Variants in AFF1 observed in about 807,000 individuals in gnomAD.
AFF1 encodes ALF transcription elongation factor 1.
AFF1 carries 48 observed loss-of-function variants against 121.7 expected under a neutral mutation model. That is an observed-to-expected ratio of 0.39 (90% CI 0.31 to 0.50). The LOEUF is 0.50. AFF1 is among the 20% of genes least tolerant of loss of function. AFF1 has a pLI of 0.76. For synonymous variants in AFF1, 613 were observed against 563.0 expected (o/e 1.09, Z -1.26); for missense variants, 1,523 against 1,511.7 (o/e 1.01, Z -0.12).
At chr4:86,979,806 C>T (rs957727057) in intron 2 of AFF1, among the ~76,000 whole-genome samples, 2 of 151,622 alleles carry the variant, frequency 1.3e-5, no homozygotes, top group Admixed American at 6.5e-5. Context: ...CTGGTGGGAA[C>T]GCAAAATACT....
chr4:87,067,476 G>A (rs1385945819), intron 4 of AFF1, among the ~76,000 whole-genome samples: 1 of 152,218 alleles, frequency 6.6e-6, no homozygotes, highest in African/African-American at 2.4e-5. Flanking sequence ...TGAGTGGTGA[G>A]TGATGGACTA....
chr4:87,132,995 C>T (rs1221108734), intron 19 of AFF1, among the ~76,000 whole-genome samples: 6 of 152,184 alleles, frequency 3.9e-5, no homozygotes, highest in Admixed American at 1.3e-4. Flanking sequence ...CGCACCTGGC[C>T]GAGCTTTGAG....
chr4:86,998,763 G>A (rs919046158), intron 2 of AFF1, among the ~76,000 whole-genome samples: 18 of 152,118 alleles, frequency 1.2e-4, no homozygotes, highest in African/African-American at 4.1e-4. Context: ...TTCAGTGGAG[G>A]GGGTGGTAGT....
chr4:87,005,401 C>A (rs1190013789), intron 2 of AFF1, among the ~76,000 whole-genome samples: 1 of 152,202 alleles, frequency 6.6e-6, no homozygotes, highest in Non-Finnish European at 1.5e-5. Context: ...GCGAAGCTGG[C>A]AAGATTATGT....
intron 2 of AFF1, among the ~76,000 whole-genome samples, chr4:86,950,513 C>T (rs150337909): frequency 6.6e-6 from 1 of 152,366 alleles, no homozygotes; most frequent in East Asian, 1.9e-4. Context: ...CTTCTTGCTA[C>T]TGCATTTCAC....
chr4:87,079,348 A>G (rs1217454482), intron 4 of AFF1, among the ~76,000 whole-genome samples: 2 of 152,238 alleles, frequency 1.3e-5, no homozygotes, highest in Admixed American at 1.3e-4. Flanking sequence ...TTATTTTGGT[A>G]TCAGTGCGTT....
intron 8 of AFF1, among the ~76,000 whole-genome samples, chr4:87,095,222 G>A (rs1181614278): frequency 2.0e-5 from 3 of 152,186 alleles, no homozygotes; most frequent in Non-Finnish European, 4.4e-5. Flanking sequence ...GGGCTCAAGC[G>A]ATTCTCATGC....
At chr4:86,964,122 C>A (rs1722358372) in intron 2 of AFF1, among the ~76,000 whole-genome samples, 1 of 138,496 alleles carries the variant, frequency 7.2e-6, no homozygotes, top group Admixed American at 7.3e-5. Context: ...CTGGGTTGTT[C>A]TTTTGGTTTT....
chr4:87,113,677 T>C (rs946422940), intron 11 of AFF1, among the ~76,000 whole-genome samples: 1 of 152,210 alleles, frequency 6.6e-6, no homozygotes, highest in African/African-American at 2.4e-5. Flanking sequence ...ATATGTGATA[T>C]GATAACTTTG....
At chr4:87,089,016 T>A (rs1317946709) in intron 5 of AFF1, among the ~76,000 whole-genome samples, 1 of 152,194 alleles carries the variant, frequency 6.6e-6, no homozygotes, top group African/African-American at 2.4e-5. Context: ...AAGCTGGGAT[T>A]ACAGGTGTGA....
chr4:87,090,157 CTTG>C, intron 6 of AFF1, 87 bp downstream of exon 6: 1 of 1,102,488 alleles, frequency 9.1e-7, no homozygotes, highest in Non-Finnish European at 1.3e-6. Flanking sequence ...TAAAGTATTA[CTTG>C]TTCAAATCTT....
intron 2 of AFF1, among the ~76,000 whole-genome samples, chr4:86,990,015 A>AG (rs1376943937): frequency 3.3e-5 from 5 of 152,064 alleles, no homozygotes. Flanking sequence ...ATCACACACC[A>AG]GGGCCTGTCA....
rs1437017134 is a variant in AFF1, at chr4:87,137,077, A to G, written c.*1376A>G. On this transcript the variant is annotated 3_prime_UTR_variant, in exon 21 of 21. Transcript: ENST00000395146. ...AAATCCCATGTGCCCATAAGCACAG[A>G]TTTTTCTTTTTCATTGAAACTTTAA... 8.9e-6 allele frequency: 2 copies of G among 224,710 alleles called. No individual in the cohort carries two copies. Among genetic ancestry groups the G allele is most frequent in the Non-Finnish European group, 1.8e-5 (2 of 112,604 alleles). The allele number at this position is 224,710 out of a possible 1,614,324, so 13.9% of individuals were successfully genotyped here.
At chr4:87,088,703 C>T (rs1272329633) in intron 5 of AFF1, among the ~76,000 whole-genome samples, 2 of 152,072 alleles carry the variant, frequency 1.3e-5, no homozygotes, top group East Asian at 3.9e-4. Context: ...CTGCCAGGTT[C>T]AAGCCATTCT....
chr4:87,055,018 C>T (rs958594548), intron 4 of AFF1, among the ~76,000 whole-genome samples: 1 of 152,174 alleles, frequency 6.6e-6, no homozygotes, highest in Non-Finnish European at 1.5e-5. Flanking sequence ...CTCTCTCTCA[C>T]CCGGGCTGGA....
intron 2 of AFF1, among the ~76,000 whole-genome samples, chr4:86,965,723 C>G: frequency 6.6e-6 from 1 of 152,102 alleles, no homozygotes. Context: ...TGATTGCAGC[C>G]CATGGGTATT....
chr4:87,063,975 G>T (rs1721075968), intron 4 of AFF1, among the ~76,000 whole-genome samples: 1 of 152,234 alleles, frequency 6.6e-6, no homozygotes, highest in Admixed American at 6.5e-5. Context: ...ATGAAACTCT[G>T]TGTCATGGAT....
chr4:87,092,905 C>T lies in AFF1; in HGVS notation c.1228+1076C>T, dbSNP rs376550211. Among the ~76,000 whole-genome samples, 14 of 152,216 alleles carry T rather than the reference C, an allele frequency of 9.2e-5. No individual in the cohort carries two copies. The East Asian group carries it at 2.5e-3, about 27-fold the overall frequency. ...CCAGACCAGTGGAGTGTGCACAGGTCTGAAGGCAGAACACCAGCTCAGCCG... is the reference window on the plus strand; with the variant it reads ...CCAGACCAGTGGAGTGTGCACAGGTTTGAAGGCAGAACACCAGCTCAGCCG... On this transcript the variant is annotated intron_variant, in intron 7 of 20. Transcript: ENST00000395146.
Position 87,139,592 on chromosome 4 carries a change from A to C in AFF1, c.*3891A>C. 1 of 230,368 alleles carries C rather than the reference A, an allele frequency of 4.3e-6. No homozygotes were observed. Among genetic ancestry groups the C allele is most frequent in the Middle Eastern group, 1.3e-3 (1 of 774 alleles). 14.3% of individuals were successfully genotyped at this position (230,368 alleles called of 1,614,324 possible). On this transcript the variant is annotated 3_prime_UTR_variant, in exon 21 of 21. Coordinates refer to ENST00000395146, the MANE Select transcript of AFF1 (RefSeq NM_001166693.3). Reference sequence around the variant, plus strand: ...AGTTACGCATTGCAGCCATGAAGGGATGCTAGGATCAATTATGGCAGTACC... The same window carrying C: ...AGTTACGCATTGCAGCCATGAAGGGCTGCTAGGATCAATTATGGCAGTACC...
Sources: allele counts gnomAD v4.1 joint callset (sites outside exome capture counted in the v4.1 genomes callset), GRCh38; gene constraint gnomAD v4.1.1; transcripts MANE v1.5; gene names NCBI Gene and HGNC (gene_info 2026-07-23, HGNC 2026-07-21).